CYRIA: variants seen among roughly 807,000 people sequenced by gnomAD.
CYRIA encodes the protein CYFIP related Rac1 interactor A.
In CYRIA, 15 loss-of-function variants were observed where a neutral mutation model predicts 43.9. That is an observed-to-expected ratio of 0.34 (90% confidence interval 0.23 to 0.53). The LOEUF is 0.53. Ranked by LOEUF, CYRIA falls within the 20% of genes least tolerant of loss-of-function variation. The pLI is 0.94. For missense variants in CYRIA, 236 were observed against 394.2 expected (o/e 0.60, Z 3.40); for synonymous variants, 117 against 136.0 (o/e 0.86, Z 0.97).
intron 2 of CYRIA, among the ~76,000 whole-genome samples, chr2:16,603,199 C>A (rs1247987535): frequency 6.6e-6 from 1 of 152,178 alleles, no homozygotes. Context: ...CCCTGCACAT[C>A]CCATCCCTAG....
intron 1 of CYRIA, among the ~76,000 whole-genome samples, chr2:16,639,275 G>T (rs1012695724): frequency 6.6e-6 from 1 of 152,182 alleles, no homozygotes. Flanking sequence ...TTCTTATTTC[G>T]CCAATGAATG....
At position 16,575,573 on chromosome 2, in the gene CYRIA, C is replaced by T. The variant is rs141657997; in HGVS notation, c.71-9806G>A. Among the ~76,000 whole-genome samples, 393 of 152,080 alleles carry T rather than the reference C, an allele frequency of 2.6e-3. 1 individual carries two copies. The highest frequency in any genetic ancestry group is 9.0e-3 in the African/African-American group (372 of 41,492). On this transcript the variant is annotated intron_variant, in intron 3 of 11. Transcript: ENST00000381323. Reference sequence around the variant, plus strand: ...TGATGGTTTTATAAAGAGCAGTTCCCGGCCGGGCGCGGTGGCTCATGCTTG... The same window carrying T: ...TGATGGTTTTATAAAGAGCAGTTCCTGGCCGGGCGCGGTGGCTCATGCTTG...
intron 3 of CYRIA, among the ~76,000 whole-genome samples, chr2:16,586,479 TACCAA>T (rs1386931821): frequency 1.3e-5 from 2 of 152,076 alleles, no homozygotes; most frequent in African/African-American, 2.4e-5. Flanking sequence ...CTAAACCCCT[TACCAA>T]ACCAAACCAA....
intron 2 of CYRIA, among the ~76,000 whole-genome samples, chr2:16,592,066 C>T (rs971295616): frequency 2.0e-5 from 3 of 152,026 alleles, no homozygotes; most frequent in Non-Finnish European, 2.9e-5. Context: ...ACAGAGAGTA[C>T]AGGTTGAGTA....
chr2:16,634,895 T>C (rs999424761), intron 1 of CYRIA, among the ~76,000 whole-genome samples: 1 of 152,228 alleles, frequency 6.6e-6, no homozygotes. Context: ...CAAGTTTGTT[T>C]GGCTTTCGTT....
intron 2 of CYRIA, among the ~76,000 whole-genome samples, chr2:16,606,071 C>T (rs1668386673): frequency 6.6e-6 from 1 of 152,144 alleles, no homozygotes; most frequent in African/African-American, 2.4e-5. Context: ...AGATGACTCT[C>T]AACCTCTGGC....
intron 1 of CYRIA, among the ~76,000 whole-genome samples, chr2:16,642,889 A>G (rs13391724): frequency 0.19 from 29,399 of 151,996 alleles, 5,785 homozygotes; most frequent in African/African-American, 0.5. Context: ...CTTCCCTGCA[A>G]CAGCCATAAT....
intron 1 of CYRIA, among the ~76,000 whole-genome samples, chr2:16,662,293 G>T (rs374421124): frequency 6.6e-6 from 1 of 152,192 alleles, no homozygotes; most frequent in African/African-American, 2.4e-5. Flanking sequence ...AACTGAGAAC[G>T]CTTTTCTAAT....
At chr2:16,558,206 C>A (rs1235984755) in intron 10 of CYRIA, among the ~76,000 whole-genome samples, 1 of 151,776 alleles carries the variant, frequency 6.6e-6, no homozygotes, top group African/African-American at 2.4e-5. Flanking sequence ...TTCTAAGTGT[C>A]AAAATTTTTT....
At chr2:16,656,721 A>G (rs1445211860) in intron 1 of CYRIA, among the ~76,000 whole-genome samples, 1 of 152,260 alleles carries the variant, frequency 6.6e-6, no homozygotes, top group Non-Finnish European at 1.5e-5. Flanking sequence ...AACTCAAAAG[A>G]CAAAGACATA....
chr2:16,581,566 T>G (rs1667549622), intron 3 of CYRIA, among the ~76,000 whole-genome samples: 1 of 152,092 alleles, frequency 6.6e-6, no homozygotes, highest in African/African-American at 2.4e-5. Context: ...TGTATAAGCA[T>G]GTTTATTATT....
intron 10 of CYRIA, among the ~76,000 whole-genome samples, chr2:16,556,154 G>C (rs1666505891): frequency 6.6e-6 from 1 of 152,228 alleles, no homozygotes; most frequent in Middle Eastern, 3.4e-3. Context: ...AACATTTTCT[G>C]TCATTGTGCT....
At chr2:16,588,412 A>C (rs941849186) in intron 2 of CYRIA, among the ~76,000 whole-genome samples, 1 of 151,262 alleles carries the variant, frequency 6.6e-6, no homozygotes, top group Non-Finnish European at 1.5e-5. Flanking sequence ...CCTGCAGTCC[A>C]TATCTCGTTC....
At chr2:16,575,177 CT>C (rs1667289707) in intron 3 of CYRIA, among the ~76,000 whole-genome samples, 1 of 152,158 alleles carries the variant, frequency 6.6e-6, no homozygotes. Flanking sequence ...CCATTTGGAA[CT>C]GTATTTACCC....
intron 3 of CYRIA, among the ~76,000 whole-genome samples, chr2:16,577,514 A>G (rs1458218244): frequency 4.6e-5 from 7 of 152,242 alleles, no homozygotes; most frequent in Non-Finnish European, 1.0e-4. Context: ...AATGAATTAT[A>G]ATCCATAAGG....
intron 1 of CYRIA, among the ~76,000 whole-genome samples, chr2:16,625,144 C>T (rs1402239456): frequency 6.6e-6 from 1 of 151,018 alleles, no homozygotes; most frequent in African/African-American, 2.5e-5. Context: ...GATTCTCTTT[C>T]TGATGGGGGT....
intron 1 of CYRIA, among the ~76,000 whole-genome samples, chr2:16,655,888 T>C (rs1670098073): frequency 6.6e-6 from 1 of 152,234 alleles, no homozygotes; most frequent in Admixed American, 6.5e-5. Context: ...TACAGGGTTC[T>C]ATGTTTCTGA....
At chr2:16,566,135 A>G (rs2103419507) in intron 3 of CYRIA, among the ~76,000 whole-genome samples, 1 of 152,278 alleles carries the variant, frequency 6.6e-6, no homozygotes, top group South Asian at 2.1e-4. Context: ...TTATTATTTT[A>G]TTACTTTTTC....
chr2:16,617,886 A>T (rs1422719975), intron 2 of CYRIA, among the ~76,000 whole-genome samples: 1 of 152,220 alleles, frequency 6.6e-6, no homozygotes, highest in African/African-American at 2.4e-5. Flanking sequence ...GTTACGATGA[A>T]GGGAGGAGGG....
Sources: gnomAD v4.1 joint callset for allele counts (sites outside exome capture counted in the v4.1 genomes callset) on GRCh38, gnomAD v4.1.1 for gene constraint, MANE v1.5 for transcripts, NCBI Gene and HGNC (gene_info 2026-07-23, HGNC 2026-07-21) for gene names.